SOX5: variants seen among roughly 807,000 people sequenced by gnomAD.
The protein encoded by SOX5 is transcription factor SOX-5.
In SOX5, 9 loss-of-function variants were observed where a neutral mutation model predicts 92.0. That is an observed-to-expected ratio of 0.10 (90% CI 0.06 to 0.17). The LOEUF is 0.17. Ranked by LOEUF, SOX5 falls within the 10% of genes least tolerant of loss-of-function variation. The probability of loss-of-function intolerance (pLI) is 1.00; values close to 1 mark genes in which losing one functional copy is unlikely to be tolerated. For missense variants in SOX5, 642 were observed against 944.5 expected, an observed-to-expected ratio of 0.68 and a Z score of 4.20; for synonymous variants, 344 against 336.3, an observed-to-expected ratio of 1.02 and a Z score of -0.25.
intron 2 of SOX5, among the ~76,000 whole-genome samples, chr12:24,343,791 G>C (rs1952861672): frequency 6.6e-6 from 1 of 152,134 alleles, no homozygotes; most frequent in Non-Finnish European, 1.5e-5. Flanking sequence ...TGTGGGGAAG[G>C]ACCAAGGCAG....
At chr12:23,752,591 T>C (rs755980460) in intron 4 of SOX5, among the ~76,000 whole-genome samples, 2 of 151,754 alleles carry the variant, frequency 1.3e-5, no homozygotes, top group Non-Finnish European at 1.5e-5. Flanking sequence ...CTAGCTGAAA[T>C]TGTGTGTGAC....
chr12:24,058,243 T>C (rs1958317684), intron 4 of SOX5, among the ~76,000 whole-genome samples: 1 of 152,250 alleles, frequency 6.6e-6, no homozygotes, highest in Non-Finnish European at 1.5e-5. Context: ...AAGTAACACA[T>C]CGTCCTCACT....
At chr12:24,164,988 G>A (rs1953224489) in intron 4 of SOX5, among the ~76,000 whole-genome samples, 1 of 151,868 alleles carries the variant, frequency 6.6e-6, no homozygotes, top group South Asian at 2.1e-4. Context: ...ATGTTTAAAG[G>A]CATTTTTTTA....
chr12:23,770,230 C>T (rs1047116141), intron 3 of SOX5, among the ~76,000 whole-genome samples: 2 of 151,842 alleles, frequency 1.3e-5, no homozygotes, highest in Admixed American at 6.6e-5. Flanking sequence ...ACTTTCTAGC[C>T]CCCAAATTGT....
rs929817989 is a variant in SOX5, at chr12:23,870,757, T to C, written c.271-24564A>G. On this transcript the variant is annotated intron_variant, in intron 2 of 14. Coordinates refer to ENST00000451604, the MANE Select transcript of SOX5 (RefSeq NM_006940.6). ...GTATTCTAAATTGGATTTGTGCCAT[T>C]CCAAGTGGTTTTGAGGTGTTCATAT... 4.0e-5 allele frequency among the ~76,000 whole-genome samples: 6 copies of C among 150,068 alleles called. 1 individual carries two copies. In the South Asian group the frequency reaches 1.3e-3, roughly 32 times the overall value.
intron 8 of SOX5, among the ~76,000 whole-genome samples, chr12:23,605,353 T>C (rs986291501): frequency 3.3e-5 from 5 of 151,444 alleles, no homozygotes; most frequent in African/African-American, 4.8e-5. Context: ...ATCAAATATT[T>C]AATTATTACT....
At position 24,247,626 on chromosome 12, in the gene SOX5, T is replaced by A. The variant is rs569210179; in HGVS notation, c.-77+29590A>T. ...TCTTTACCCCAAAGCAATGCAATGA[T>A]CCCTGATTTATTTATTTACTTTTTT... On this transcript the variant is annotated intron_variant, in intron 3 of 4. Coordinates refer to the SOX5 transcript ENST00000446891. Among the ~76,000 whole-genome samples, 5 of 150,058 alleles carry A rather than the reference T, an allele frequency of 3.3e-5. No individual in the cohort carries two copies. The East Asian group carries it at 9.9e-4, about 30-fold the overall frequency.
chr12:23,627,555 C>T (rs1025315585), intron 8 of SOX5, among the ~76,000 whole-genome samples: 7 of 152,036 alleles, frequency 4.6e-5, no homozygotes, highest in Non-Finnish European at 1.0e-4. Context: ...GCTAATGAGG[C>T]TGAATGCTTA....
At chr12:24,512,133 C>G (rs1286432817) in intron 1 of SOX5, among the ~76,000 whole-genome samples, 1 of 152,084 alleles carries the variant, frequency 6.6e-6, no homozygotes, top group Admixed American at 6.6e-5. Context: ...ATTCTTAAAG[C>G]CTTTGCAACA....
chr12:23,831,462 A>T (rs11047122), intron 3 of SOX5, among the ~76,000 whole-genome samples: 1 of 151,812 alleles, frequency 6.6e-6, no homozygotes, highest in African/African-American at 2.4e-5. Flanking sequence ...AGAGGGACGG[A>T]TGGGGGAATG....
At chr12:23,841,881 G>C (rs918682277) in intron 3 of SOX5, among the ~76,000 whole-genome samples, 7 of 152,064 alleles carry the variant, frequency 4.6e-5, no homozygotes, top group Admixed American at 3.9e-4. Context: ...ATATGCATTT[G>C]TCAATGCATA....
chr12:23,996,318 A>G (rs535456541), intron 4 of SOX5, among the ~76,000 whole-genome samples: 3 of 152,312 alleles, frequency 2.0e-5, no homozygotes, highest in African/African-American at 7.2e-5. Flanking sequence ...TAGGATGACT[A>G]TAATAATAAA....
At chr12:24,412,009 C>G (rs184363494) in intron 1 of SOX5, among the ~76,000 whole-genome samples, 6 of 152,062 alleles carry the variant, frequency 3.9e-5, no homozygotes, top group Non-Finnish European at 8.8e-5. Flanking sequence ...TGCAGCAGTT[C>G]ATGTTTTTTG....
intron 3 of SOX5, among the ~76,000 whole-genome samples, chr12:23,807,007 G>T (rs1253058551): frequency 6.6e-6 from 1 of 152,094 alleles, no homozygotes; most frequent in African/African-American, 2.4e-5. Context: ...AGAGCCTTGT[G>T]GCCAGCTTTT....
At chr12:24,338,348 A>C (rs1651480793) in intron 2 of SOX5, among the ~76,000 whole-genome samples, 1 of 152,210 alleles carries the variant, frequency 6.6e-6, no homozygotes, top group Non-Finnish European at 1.5e-5. Context: ...ATACCTGTAA[A>C]ATGAGACAAG....
chr12:23,796,155 C>T (rs931907603), intron 3 of SOX5, among the ~76,000 whole-genome samples: 6 of 152,116 alleles, frequency 3.9e-5, no homozygotes, highest in Non-Finnish European at 8.8e-5. Flanking sequence ...GTTTAGGACT[C>T]TAATTACACA....
At chr12:24,190,638 A>T (rs896751448) in intron 4 of SOX5, among the ~76,000 whole-genome samples, 3 of 152,144 alleles carry the variant, frequency 2.0e-5, no homozygotes, top group African/African-American at 7.2e-5. Context: ...TCATATTTGG[A>T]GCCATTGTGG....
intron 4 of SOX5, among the ~76,000 whole-genome samples, chr12:24,055,167 C>T (rs114717464): frequency 1.7e-3 from 264 of 152,256 alleles, no homozygotes; most frequent in African/African-American, 6.0e-3. Context: ...AGCAGGAGAA[C>T]GTTTCATCCC....
chr12:23,765,379 A>AAAC (rs2094688332), intron 3 of SOX5, among the ~76,000 whole-genome samples: 2 of 134,748 alleles, frequency 1.5e-5, no homozygotes, highest in African/African-American at 5.3e-5. Flanking sequence ...CAAAAGTGTA[A>AAAC]AACAGCAAAA....
Sources: gnomAD v4.1 joint callset for allele counts (sites outside exome capture counted in the v4.1 genomes callset) on GRCh38, gnomAD v4.1.1 for gene constraint, MANE v1.5 for transcripts, NCBI Gene and HGNC (gene_info 2026-07-23, HGNC 2026-07-21) for gene names.